Variants in DOCK8 observed in about 807,000 individuals in gnomAD.
DOCK8 encodes the protein dedicator of cytokinesis protein 8.
DOCK8 carries 141 observed loss-of-function variants against 245.6 expected under a neutral mutation model. The ratio of observed to expected loss-of-function variants is 0.57; its 90% CI spans 0.50 to 0.66. DOCK8 has a LOEUF of 0.66. DOCK8 is among the 30% of genes least tolerant of loss of function. The pLI is 0.00. For missense variants in DOCK8, 2,965 were observed against 2,603.4 expected, an observed-to-expected ratio of 1.14 and a Z score of -3.02; for synonymous variants, 1,168 against 970.2, an observed-to-expected ratio of 1.20 and a Z score of -3.79.
At chr9:344,220 C>T (rs2051755410) in intron 14 of DOCK8, among the ~76,000 whole-genome samples, 2 of 152,226 alleles carry the variant, frequency 1.3e-5, no homozygotes, top group African/African-American at 2.4e-5. Flanking sequence ...CTTCTCTTGG[C>T]TCACAGTTCT....
At chr9:370,937 T>G (rs1178291169) in intron 16 of DOCK8, among the ~76,000 whole-genome samples, 1 of 152,212 alleles carries the variant, frequency 6.6e-6, no homozygotes, top group Non-Finnish European at 1.5e-5. Flanking sequence ...CTACATTACT[T>G]TACAATGTAC....
intron 4 of DOCK8, among the ~76,000 whole-genome samples, chr9:299,947 G>A (rs1339047699): frequency 6.6e-6 from 1 of 151,576 alleles, no homozygotes; most frequent in Non-Finnish European, 1.5e-5. Flanking sequence ...GTGTGAACCC[G>A]GGAGGCAGAG....
At chr9:459,328 G>A (rs1399496300) in intron 46 of DOCK8, among the ~76,000 whole-genome samples, 1 of 152,076 alleles carries the variant, frequency 6.6e-6, no homozygotes, top group Non-Finnish European at 1.5e-5. Flanking sequence ...TGTAGAAAAA[G>A]TATATAAAAT....
chr9:366,070 C>G (rs1586811651), intron 14 of DOCK8: 1 of 172,606 alleles, frequency 5.8e-6, no homozygotes, highest in South Asian at 1.3e-4. Flanking sequence ...CTCTGTGGCT[C>G]GTTTATCATG....
intron 1 of DOCK8, among the ~76,000 whole-genome samples, chr9:259,117 G>C (rs933891656): frequency 6.6e-6 from 1 of 152,020 alleles, no homozygotes; most frequent in Non-Finnish European, 1.5e-5. Flanking sequence ...GACCAGCTTG[G>C]GCAACATAGC....
At chr9:381,985 T>TA (rs1169108364) in intron 21 of DOCK8, among the ~76,000 whole-genome samples, 1 of 151,588 alleles carries the variant, frequency 6.6e-6, no homozygotes, top group Admixed American at 6.6e-5. Flanking sequence ...TAAATAGTAA[T>TA]ATCTCATAGA....
chr9:333,064 C>G (rs1586723617), intron 10 of DOCK8, among the ~76,000 whole-genome samples: 1 of 152,174 alleles, frequency 6.6e-6, no homozygotes, highest in African/African-American at 2.4e-5. Flanking sequence ...CTGTTGTCTT[C>G]ATTCTGAGGC....
chr9:428,920 A>T (rs1488104236), intron 35 of DOCK8, among the ~76,000 whole-genome samples: 1 of 152,216 alleles, frequency 6.6e-6, no homozygotes, highest in Non-Finnish European at 1.5e-5. Flanking sequence ...CGGCCTGAGG[A>T]ATGAGGATTA....
In DOCK8 at chr9:408,856, C is replaced by T. The variant is rs531428892; in HGVS notation, c.3530+1787C>T. On this transcript the variant is annotated intron_variant, in intron 28 of 47. Transcript: ENST00000432829. ...TTATGTTTAATCAGGTAGATACATT[C>T]TTCAAACACACACACACACACACAC... is the stretch of plus-strand genomic sequence containing the variant. 2.8e-4 allele frequency among the ~76,000 whole-genome samples: 39 copies of T among 138,388 alleles called. No homozygotes were observed. In the South Asian group the frequency reaches 8.3e-3, roughly 29 times the overall value. 90.8% of individuals were successfully genotyped at this position (138,388 alleles called of 152,430 possible). A position where few individuals can be genotyped will look rare whatever the true frequency, so the allele number is the denominator to read the frequency against.
intron 42 of DOCK8, among the ~76,000 whole-genome samples, chr9:442,891 C>CA (rs573323454): frequency 1.3e-5 from 2 of 152,024 alleles, no homozygotes; most frequent in Non-Finnish European, 2.9e-5. Flanking sequence ...CCATCCATGC[C>CA]AAAAAAGACA....
At chr9:345,769 A>G (rs2051853280) in intron 14 of DOCK8, among the ~76,000 whole-genome samples, 1 of 151,982 alleles carries the variant, frequency 6.6e-6, no homozygotes, top group African/African-American at 2.4e-5. Context: ...ATTCTAGTGT[A>G]TTAGGTTGGT....
chr9:225,778 A>C (rs1489541621), intron 1 of DOCK8, among the ~76,000 whole-genome samples: 1 of 152,192 alleles, frequency 6.6e-6, no homozygotes, highest in Non-Finnish European at 1.5e-5. Flanking sequence ...GGCCATTGAG[A>C]GGGCATGGAT....
chr9:454,329 T>C (rs1419835920), intron 46 of DOCK8: 1 of 152,186 alleles, frequency 6.6e-6, no homozygotes, highest in African/African-American at 2.4e-5. Flanking sequence ...TTTATTTCAG[T>C]ATATTGCTGT....
intron 1 of DOCK8, among the ~76,000 whole-genome samples, chr9:242,840 T>C (rs1433180234): frequency 1.3e-5 from 2 of 151,952 alleles, no homozygotes; most frequent in Admixed American, 1.3e-4. Flanking sequence ...TGCCATAATA[T>C]GTTTAGTTTC....
At chr9:421,232 T>A (rs1364450691) in intron 32 of DOCK8, among the ~76,000 whole-genome samples, 154 bp downstream of exon 32, 1 of 152,130 alleles carries the variant, frequency 6.6e-6, no homozygotes, top group Admixed American at 6.5e-5. Context: ...GTGTGTGACA[T>A]TTGTGTTAGC....
intron 2 of DOCK8, among the ~76,000 whole-genome samples, chr9:281,374 A>G (rs967031608): frequency 2.0e-5 from 3 of 152,172 alleles, no homozygotes; most frequent in East Asian, 1.9e-4. Context: ...TTTGATGTTC[A>G]TTTAAACTAG....
At chr9:313,159 C>T (rs1205663881) in intron 6 of DOCK8, among the ~76,000 whole-genome samples, 1 of 152,206 alleles carries the variant, frequency 6.6e-6, no homozygotes, top group Non-Finnish European at 1.5e-5. Flanking sequence ...ATCACGTCCA[C>T]ATGGAAATAC....
chr9:352,423 G>A (rs1368459235), intron 14 of DOCK8, among the ~76,000 whole-genome samples: 2 of 152,040 alleles, frequency 1.3e-5, no homozygotes, highest in Non-Finnish European at 2.9e-5. Flanking sequence ...CATGAGAATC[G>A]GCATCCCAGG....
chr9:429,014 C>G (rs10465088), intron 35 of DOCK8, among the ~76,000 whole-genome samples: 18,008 of 152,302 alleles, frequency 0.12, 1,709 homozygotes, highest in East Asian at 0.46. Context: ...ATCGCCCAGG[C>G]TGGAGTGCAG....
Sources: allele counts gnomAD v4.1 joint callset (sites outside exome capture counted in the v4.1 genomes callset), GRCh38; gene constraint gnomAD v4.1.1; transcripts MANE v1.5; gene names NCBI Gene and HGNC (gene_info 2026-07-23, HGNC 2026-07-21).